XKR9: variants seen among roughly 807,000 people sequenced by gnomAD.
XKR9 encodes the protein XK related 9.
Under a neutral mutation model 32.0 loss-of-function variants are expected in XKR9, and 32 were observed. The ratio of observed to expected loss-of-function variants is 1.00; its 90% CI spans 0.76 to 1.34. XKR9 has a LOEUF of 1.34. XKR9 is among the 40% of genes most tolerant of loss of function. The probability of loss-of-function intolerance (pLI) is 0.00; values close to 1 mark genes in which losing one functional copy is unlikely to be tolerated. For synonymous variants in XKR9, 168 were observed against 143.4 expected, an observed-to-expected ratio of 1.17 and a Z score of -1.22; for missense variants, 546 against 429.7, an observed-to-expected ratio of 1.27 and a Z score of -2.39.
intron 4 of XKR9, among the ~76,000 whole-genome samples, chr8:70,711,139 T>C (rs1173846603): frequency 1.3e-5 from 2 of 152,102 alleles, no homozygotes; most frequent in African/African-American, 4.8e-5. Context: ...GTAGGTGAGG[T>C]TGCAGAGAAA....
the XKR9 span, among the ~76,000 whole-genome samples, chr8:70,965,373 C>T: frequency 1.3e-5 from 2 of 152,016 alleles, no homozygotes; most frequent in Admixed American, 1.3e-4. Flanking sequence ...AGGATTTTTG[C>T]GTTGATGTTT....
the XKR9 span, among the ~76,000 whole-genome samples, chr8:70,868,691 T>C: frequency 6.6e-6 from 1 of 152,164 alleles, no homozygotes; most frequent in Non-Finnish European, 1.5e-5. Flanking sequence ...ACATTTTCTT[T>C]ATTGTCTTGG....
the XKR9 span, among the ~76,000 whole-genome samples, chr8:70,977,078 T>A: frequency 5.9e-5 from 9 of 152,320 alleles, no homozygotes; most frequent in East Asian, 1.7e-3. Context: ...CCTTCATTAT[T>A]TTTTATTACA....
At chr8:70,833,272 C>T in the XKR9 span, among the ~76,000 whole-genome samples, 2 of 151,984 alleles carry the variant, frequency 1.3e-5, no homozygotes, top group African/African-American at 4.8e-5. Flanking sequence ...CAGCAATTGC[C>T]CTCTATACTT....
the XKR9 span, among the ~76,000 whole-genome samples, chr8:70,987,979 C>T: frequency 1.2e-4 from 18 of 152,060 alleles, no homozygotes; most frequent in Non-Finnish European, 1.9e-4. Flanking sequence ...TGCCATTGCT[C>T]GAGCTCTACG....
Position 70,731,116 on chromosome 8 carries a change from C to T in XKR9, c.494-2680C>T, listed in dbSNP as rs145852003. The stretch of plus-strand genomic sequence containing the variant: ...TAAACCATCATTGTATCCTGTGATA[C>T]CTATTACAGAATGACACAGAAAGAC... On this transcript the variant is annotated intron_variant, in intron 4 of 4. Coordinates refer to ENST00000408926, the MANE Select transcript of XKR9 (RefSeq NM_001011720.2). Among the ~76,000 whole-genome samples, 12 of 152,238 alleles carry T rather than the reference C, an allele frequency of 7.9e-5. No individual in the cohort carries two copies. In the East Asian group the frequency reaches 2.1e-3, roughly 27 times the overall value.
chr8:70,680,909 C>G lies in XKR9; in HGVS notation c.-150C>G. On this transcript the variant is annotated 5_prime_UTR_variant, in exon 3 of 5. Transcript: ENST00000408926. Reference sequence around the variant, plus strand: ...CACTTTAGTGTTAGTGTTCCCATTTCATAATATTTATTCTTTCTTCTAAAT... The same window carrying G: ...CACTTTAGTGTTAGTGTTCCCATTTGATAATATTTATTCTTTCTTCTAAAT... The G allele has an allele frequency of 1.4e-6, 1 of 690,896 alleles. No homozygotes were observed. The highest frequency in any genetic ancestry group is 4.3e-4 in the Middle Eastern group (1 of 2,334). 42.8% of individuals were successfully genotyped at this position (690,896 alleles called of 1,614,324 possible). A position where few individuals can be genotyped will look rare whatever the true frequency, so the allele number is the denominator to read the frequency against.
the XKR9 span, among the ~76,000 whole-genome samples, chr8:71,059,783 C>T: frequency 6.6e-6 from 1 of 152,180 alleles, no homozygotes; most frequent in Admixed American, 6.5e-5. Context: ...TACCCTTTTA[C>T]CTGGAGAGGG....
intron 2 of XKR9, among the ~76,000 whole-genome samples, chr8:70,784,680 G>T (rs2130258681): frequency 6.6e-6 from 1 of 151,882 alleles, no homozygotes; most frequent in African/African-American, 2.4e-5. Flanking sequence ...CTATTTGGAT[G>T]CCTTTTATTT....
At chr8:70,687,426 A>G (rs1819338018) in intron 3 of XKR9, among the ~76,000 whole-genome samples, 1 of 148,932 alleles carries the variant, frequency 6.7e-6, no homozygotes, top group Non-Finnish European at 1.5e-5. Flanking sequence ...CTAAATAGAG[A>G]CAGGCTCATC....
chr8:71,002,011 T>G, the XKR9 span, among the ~76,000 whole-genome samples: 1 of 152,204 alleles, frequency 6.6e-6, no homozygotes, highest in East Asian at 1.9e-4. Flanking sequence ...ATCATATATA[T>G]ATATTGGAAA....
chr8:70,865,877 A>T, the XKR9 span, among the ~76,000 whole-genome samples: 1 of 152,172 alleles, frequency 6.6e-6, no homozygotes, highest in Non-Finnish European at 1.5e-5. Flanking sequence ...GTGTGAGAAA[A>T]TGTTGATTGC....
chr8:71,013,204 T>A, the XKR9 span, among the ~76,000 whole-genome samples: 2 of 151,598 alleles, frequency 1.3e-5, no homozygotes, highest in African/African-American at 4.9e-5. Context: ...GTAGAAAGAG[T>A]ATCTAGAGGA....
chr8:70,831,083 G>A, the XKR9 span, among the ~76,000 whole-genome samples: 2 of 152,120 alleles, frequency 1.3e-5, no homozygotes, highest in South Asian at 2.1e-4. Context: ...CTGAGGTCAG[G>A]GGTTTGAGAC....
At chr8:70,763,914 A>G (rs1807339992) in intron 2 of XKR9, among the ~76,000 whole-genome samples, 2 of 152,212 alleles carry the variant, frequency 1.3e-5, no homozygotes, top group Admixed American at 6.5e-5. Flanking sequence ...TCTGCAAATG[A>G]TATAATTCCT....
the XKR9 span, among the ~76,000 whole-genome samples, chr8:70,926,280 A>G: frequency 6.6e-6 from 1 of 152,164 alleles, no homozygotes; most frequent in Non-Finnish European, 1.5e-5. Context: ...CATGTTGGCC[A>G]GGCTGGTCTT....
chr8:71,016,902 A>T, the XKR9 span, among the ~76,000 whole-genome samples: 2 of 152,170 alleles, frequency 1.3e-5, no homozygotes, highest in Non-Finnish European at 2.9e-5. Context: ...ATGGATGTAG[A>T]TATAATTAAT....
At chr8:71,045,633 G>A in the XKR9 span, among the ~76,000 whole-genome samples, 1 of 152,206 alleles carries the variant, frequency 6.6e-6, no homozygotes, top group Non-Finnish European at 1.5e-5. Flanking sequence ...GCAGCAGGTG[G>A]TGTGCCACGC....
At chr8:70,934,435 C>A in the XKR9 span, among the ~76,000 whole-genome samples, 13 of 152,076 alleles carry the variant, frequency 8.5e-5, no homozygotes, top group Admixed American at 4.6e-4. Context: ...TGTGACAATC[C>A]ATTTCTGTAG....
Sources: allele counts gnomAD v4.1 joint callset (sites outside exome capture counted in the v4.1 genomes callset), GRCh38; gene constraint gnomAD v4.1.1; transcripts MANE v1.5; gene names NCBI Gene and HGNC (gene_info 2026-07-23, HGNC 2026-07-21).